ZNF280D: variants seen among roughly 807,000 people sequenced by gnomAD.
ZNF280D encodes the protein suppressor of hairy wing homolog 4.
ZNF280D carries 39 observed loss-of-function variants against 94.7 expected under a neutral mutation model. That is an observed-to-expected ratio of 0.41 (90% CI 0.32 to 0.54). The LOEUF (loss-of-function observed/expected upper bound fraction) is 0.54. Among genes scored for constraint, ZNF280D ranks in the 20% least tolerant of loss-of-function variants. The pLI is 0.22. For synonymous variants in ZNF280D, 398 were observed against 377.6 expected (o/e 1.05, Z -0.63); for missense variants, 1,090 against 1,149.3 (o/e 0.95, Z 0.75).
At chr15:56,719,294 T>A (rs1342065433) in intron 1 of ZNF280D, among the ~76,000 whole-genome samples, 1 of 151,282 alleles carries the variant, frequency 6.6e-6, no homozygotes, top group East Asian at 1.9e-4. Flanking sequence ...AATGAGTGAG[T>A]TTTCAGTCTA....
chr15:56,669,942 ATATATAT>A lies in ZNF280D; in HGVS notation c.1411-992_1411-986del. 4.1e-4 allele frequency among the ~76,000 whole-genome samples: 2 copies of A among 4,922 alleles called. 1 individual carries two copies. Among genetic ancestry groups the A allele is most frequent in the African/African-American group, 1.4e-3 (2 of 1,382 alleles). 3.2% of individuals were successfully genotyped at this position (4,922 alleles called of 152,430 possible). A position where few individuals can be genotyped will look rare whatever the true frequency, so the allele number is the denominator to read the frequency against. On this transcript the variant is annotated intron_variant, in intron 13 of 21. Transcript: ENST00000267807. ...TATATATATTATATATATATTATAT[ATATATAT>A]TATATATATATATTATATATATATA...
chr15:56,650,916 C>A (rs1412397154), intron 19 of ZNF280D, among the ~76,000 whole-genome samples: 1 of 152,122 alleles, frequency 6.6e-6, no homozygotes, highest in Non-Finnish European at 1.5e-5. Context: ...TGAGGCCTCA[C>A]TAAATTAAAA....
chr15:56,731,506 CAA>C (rs752976383), intron 1 of ZNF280D, among the ~76,000 whole-genome samples: 139 of 80,864 alleles, frequency 1.7e-3, no homozygotes, highest in African/African-American at 6.4e-3. Flanking sequence ...GTACCTATCT[CAA>C]AAAAAAAAAA....
chr15:56,639,310 T>C (rs1421847158), intron 20 of ZNF280D, among the ~76,000 whole-genome samples: 1 of 147,786 alleles, frequency 6.8e-6, no homozygotes, highest in South Asian at 2.1e-4. Flanking sequence ...AAGGAGTTGA[T>C]GCAGGAGGCT....
chr15:56,653,527 T>C (rs778630017), intron 19 of ZNF280D: 36 of 1,523,204 alleles, frequency 2.4e-5, no homozygotes, highest in Non-Finnish European at 3.2e-5. Context: ...AGGCATCAGT[T>C]GTGTCCATCG....
At chr15:56,663,116 C>A (rs1487070811) in intron 16 of ZNF280D, among the ~76,000 whole-genome samples, 3 of 150,186 alleles carry the variant, frequency 2.0e-5, no homozygotes, top group East Asian at 2.0e-4. Context: ...AAAATCCCAT[C>A]CCTACAAAAA....
chr15:56,656,519 A>AGT (rs761260110), intron 17 of ZNF280D, among the ~76,000 whole-genome samples: 5 of 152,354 alleles, frequency 3.3e-5, no homozygotes, highest in East Asian at 1.9e-4. Context: ...AACTGTTTTT[A>AGT]GTAAAGGTAA....
intron 3 of ZNF280D, among the ~76,000 whole-genome samples, chr15:56,706,080 G>T (rs142757914): frequency 2.3e-4 from 32 of 136,616 alleles, no homozygotes; most frequent in African/African-American, 5.3e-4. Context: ...TTAAAATAAG[G>T]TTAGTAGGGT....
At chr15:56,632,288 G>T (rs1011160092) in intron 21 of ZNF280D, among the ~76,000 whole-genome samples, 166 bp from the exon 22 acceptor site, 10 of 152,026 alleles carry the variant, frequency 6.6e-5, no homozygotes, top group Non-Finnish European at 1.2e-4. Context: ...AAATTTAGGA[G>T]GAGGCCATTT....
intron 21 of ZNF280D, among the ~76,000 whole-genome samples, chr15:56,634,395 C>T (rs3929265): frequency 0.44 from 67,406 of 152,002 alleles, 15,560 homozygotes; most frequent in African/African-American, 0.58. Context: ...ATGACCAGTC[C>T]GCATTTTCTA....
chr15:56,678,457 C>G (rs1322606898), intron 11 of ZNF280D, among the ~76,000 whole-genome samples: 1 of 152,192 alleles, frequency 6.6e-6, no homozygotes, highest in Non-Finnish European at 1.5e-5. Flanking sequence ...AATTACCATA[C>G]TGAATTATTT....
At chr15:56,669,711 G>T (rs943422580) in intron 13 of ZNF280D, among the ~76,000 whole-genome samples, 11 of 143,638 alleles carry the variant, frequency 7.7e-5, no homozygotes, top group Non-Finnish European at 1.1e-4. Context: ...CTCAAACCCA[G>T]TCCTGTCATT....
At chr15:56,673,754 G>A (rs980225731) in intron 13 of ZNF280D, among the ~76,000 whole-genome samples, 4 of 152,016 alleles carry the variant, frequency 2.6e-5, no homozygotes, top group African/African-American at 9.6e-5. Flanking sequence ...TGGCCTCCTT[G>A]CTATTCTTTG....
chr15:56,673,434 A>T (rs558980882), intron 13 of ZNF280D, among the ~76,000 whole-genome samples: 13 of 152,168 alleles, frequency 8.5e-5, no homozygotes, highest in African/African-American at 1.2e-4. Context: ...AAAACCATTC[A>T]TAATCTTTCC....
chr15:56,703,583 G>C (rs2057215630), intron 4 of ZNF280D, among the ~76,000 whole-genome samples: 1 of 152,316 alleles, frequency 6.6e-6, no homozygotes, highest in South Asian at 2.1e-4. Flanking sequence ...GCTAGGTGCA[G>C]TGACTCACAC....
chr15:56,713,828 T>G (rs2057899576), intron 1 of ZNF280D, among the ~76,000 whole-genome samples: 1 of 152,196 alleles, frequency 6.6e-6, no homozygotes, highest in African/African-American at 2.4e-5. Context: ...CATTGCCTGT[T>G]GATTCCATTA....
rs35057161 is a variant in ZNF280D, at chr15:56,659,175, T to TAA, written c.1995-691_1995-690dup. ...GGCTTTCTAGTAGAGTGTTTTTTAT[T>TAA]AAAAAAAAAAAAAAAAAAAAAAAGG... On this transcript the variant is annotated intron_variant, in intron 16 of 21. Coordinates refer to ENST00000267807, the MANE Select transcript of ZNF280D (RefSeq NM_017661.4). 8.2e-3 allele frequency among the ~76,000 whole-genome samples: 763 copies of TAA among 93,148 alleles called. 8 individuals carry two copies. Among genetic ancestry groups the TAA allele is most frequent in the East Asian group, 0.057 (166 of 2,892 alleles). The allele number at this position is 93,148 out of a possible 152,430, so 61.1% of individuals were successfully genotyped here.
In ZNF280D at chr15:56,653,994, T is replaced by C. The variant is rs535216704; in HGVS notation, c.2213+204A>G. On this transcript the variant is annotated intron_variant, in intron 19 of 21. Transcript: ENST00000267807. ...TTGTGTAAGAAAACATCTCAGAACTTTGAACTTAGGAAATTCCAACTTGTC... is the reference window on the plus strand; with the variant it reads ...TTGTGTAAGAAAACATCTCAGAACTCTGAACTTAGGAAATTCCAACTTGTC... 161 of 1,433,004 alleles carry C rather than the reference T, an allele frequency of 1.1e-4. No homozygotes were observed. In the African/African-American group the frequency reaches 2.2e-3, roughly 19 times the overall value. The allele number at this position is 1,433,004 out of a possible 1,614,324, so 88.8% of individuals were successfully genotyped here. A position where few individuals can be genotyped will look rare whatever the true frequency, so the allele number is the denominator to read the frequency against.
intron 16 of ZNF280D, among the ~76,000 whole-genome samples, chr15:56,665,051 A>G (rs1173395019): frequency 1.3e-5 from 2 of 152,210 alleles, no homozygotes; most frequent in Non-Finnish European, 2.9e-5. Flanking sequence ...AGAAAAAAAA[A>G]GACAATATAT....
Sources: gnomAD v4.1 joint callset for allele counts (sites outside exome capture counted in the v4.1 genomes callset) on GRCh38, gnomAD v4.1.1 for gene constraint, MANE v1.5 for transcripts, NCBI Gene and HGNC (gene_info 2026-07-23, HGNC 2026-07-21) for gene names.